The following TRAF2 variants were observed in gnomAD, a reference collection of about 807,000 sequenced individuals.
TRAF2 encodes the protein TNF receptor-associated factor 2.
TRAF2 carries 6 observed loss-of-function variants against 55.6 expected under a neutral mutation model. The observed-to-expected ratio is 0.11, with a 90% CI of 0.06 to 0.21. The LOEUF (loss-of-function observed/expected upper bound fraction) is 0.21. TRAF2 is among the 10% of genes least tolerant of loss of function. TRAF2 has a pLI of 1.00. For synonymous variants in TRAF2, 329 were observed against 276.3 expected (o/e 1.19, Z -1.89); for missense variants, 561 against 684.5 (o/e 0.82, Z 2.01).
At chr9:136,888,465 G>A (rs1419016565) in intron 1 of TRAF2, among the ~76,000 whole-genome samples, 5 of 152,158 alleles carry the variant, frequency 3.3e-5, no homozygotes, top group African/African-American at 1.2e-4. Context: ...GAACTCTTAC[G>A]TGGAGTCCAG....
In TRAF2 at chr9:136,917,646, A is replaced by ATG. The variant is rs1850273865; in HGVS notation, c.678+1033_678+1034dup. 2.0e-5 allele frequency among the ~76,000 whole-genome samples: 3 copies of ATG among 152,206 alleles called. No homozygotes were observed. In the South Asian group the frequency reaches 6.2e-4, roughly 32 times the overall value. On this transcript the variant is annotated intron_variant, in intron 7 of 10. Transcript: ENST00000247668. The stretch of plus-strand genomic sequence containing the variant: ...GCACCTTCCTTGCTTGAAGACAGGG[A>ATG]TGTCTTGACGGCATTTGTGGTAGAG...
chr9:136,907,018 T>G (rs773394263), intron 4 of TRAF2, among the ~76,000 whole-genome samples: 5 of 152,258 alleles, frequency 3.3e-5, no homozygotes, highest in Non-Finnish European at 5.9e-5. Context: ...GGCAGAGCCC[T>G]CAAGACGGTC....
At chr9:136,902,979 A>AT (rs1201944167) in intron 4 of TRAF2, among the ~76,000 whole-genome samples, 1 of 60,146 alleles carries the variant, frequency 1.7e-5, no homozygotes, top group Non-Finnish European at 3.2e-5. Context: ...ATTTATTTTT[A>AT]TTTTTTTGAG....
At chr9:136,912,815 TGACAGAGTGA>T (rs1850148519) in intron 6 of TRAF2, among the ~76,000 whole-genome samples, 1 of 151,370 alleles carries the variant, frequency 6.6e-6, no homozygotes, top group Non-Finnish European at 1.5e-5. Flanking sequence ...CCAGCCTGGG[TGACAGAGTGA>T]GAGCCTGTCT....
intron 4 of TRAF2, among the ~76,000 whole-genome samples, chr9:136,906,431 G>T (rs1246605890): frequency 6.6e-6 from 1 of 152,172 alleles, no homozygotes; most frequent in African/African-American, 2.4e-5. Context: ...AGGCAAGAGA[G>T]CATGTGCAGG....
Position 136,900,600 on chromosome 9 carries a change from T to C in TRAF2, c.366+80T>C, listed in dbSNP as rs753981384. ...CCACGCTCCCCAAGCAGTTATGACC[T>C]TGTCCTGCACGTTCCTCTCACTGGG... On this transcript the variant is annotated intron_variant, in intron 4 of 10. Transcript: ENST00000247668. 7.8e-6 allele frequency: 9 copies of C among 1,153,820 alleles called. No individual in the cohort carries two copies. In the East Asian group the frequency reaches 1.9e-4, roughly 25 times the overall value. 71.5% of individuals were successfully genotyped at this position (1,153,820 alleles called of 1,614,324 possible).
chr9:136,892,388 T>A (rs1486188825), intron 1 of TRAF2, among the ~76,000 whole-genome samples: 1 of 151,920 alleles, frequency 6.6e-6, no homozygotes, highest in Non-Finnish European at 1.5e-5. Context: ...GGCGTGAACC[T>A]GGGCGGTGGA....
At chr9:136,902,169 C>T (rs1333401010) in intron 4 of TRAF2, 3 of 152,022 alleles carry the variant, frequency 2.0e-5, no homozygotes, top group East Asian at 1.9e-4. Context: ...GTGGCTCTGC[C>T]GCACAAACGG....
intron 1 of TRAF2, among the ~76,000 whole-genome samples, chr9:136,895,577 A>C (rs914730684): frequency 7.9e-5 from 12 of 152,204 alleles, no homozygotes; most frequent in African/African-American, 1.2e-4. Flanking sequence ...GGAATGGGCC[A>C]GGCACGGTGG....
intron 3 of TRAF2, 38 bp downstream of exon 3, chr9:136,899,710 A>C: frequency 1.3e-6 from 2 of 1,588,908 alleles, no homozygotes; most frequent in Non-Finnish European, 1.7e-6. Context: ...TGTTGAACAG[A>C]AAATGTCTTA....
chr9:136,904,844 G>A (rs1043660905), intron 4 of TRAF2, among the ~76,000 whole-genome samples: 4 of 152,198 alleles, frequency 2.6e-5, no homozygotes, highest in African/African-American at 9.7e-5. Context: ...TAGTGTGGCC[G>A]AGGGCTGGGT....
rs11145920 is a variant in TRAF2, at chr9:136,890,773, G to A, written c.-29+4232G>A. Among the ~76,000 whole-genome samples, 998 of 152,342 alleles carry A rather than the reference G, an allele frequency of 6.6e-3. 7 individuals are homozygous for A. Among genetic ancestry groups the A allele is most frequent in the African/African-American group, 0.022 (925 of 41,570 alleles). ...AGTGGGACCTCAGGGTCCCCTGACCGGGCTGCCTGCCGTGTCCTGGCTGTC... is the reference window on the plus strand; with the variant it reads ...AGTGGGACCTCAGGGTCCCCTGACCAGGCTGCCTGCCGTGTCCTGGCTGTC... On this transcript the variant is annotated intron_variant, in intron 1 of 10. Coordinates refer to ENST00000247668, the MANE Select transcript of TRAF2 (RefSeq NM_021138.4).
At chr9:136,898,664 G>A (rs774939474) in intron 1 of TRAF2, 49 bp from the exon 2 acceptor site, 1 of 1,599,376 alleles carries the variant, frequency 6.3e-7, no homozygotes, top group Admixed American at 1.7e-5. Context: ...GTTTTGTCTC[G>A]AGGACTGTTC....
chr9:136,899,717 C>T (rs1452867485), intron 3 of TRAF2, 45 bp downstream of exon 3: 3 of 1,573,956 alleles, frequency 1.9e-6, no homozygotes, highest in Non-Finnish European at 2.6e-6. Context: ...CAGAAAATGT[C>T]TTAATTTCCT....
upstream of TRAF2, among the ~76,000 whole-genome samples, chr9:136,883,857 C>G (rs1187115799): frequency 6.9e-6 from 1 of 144,358 alleles, no homozygotes; most frequent in African/African-American, 2.6e-5. Flanking sequence ...GATTCTTGCT[C>G]TGTCGCCAGG....
At chr9:136,901,145 G>C (rs1588426566) in intron 4 of TRAF2, among the ~76,000 whole-genome samples, 1 of 148,014 alleles carries the variant, frequency 6.8e-6, no homozygotes, top group Non-Finnish European at 1.5e-5. Context: ...GGGGATTTCA[G>C]TGTGATTCTC....
Position 136,886,533 on chromosome 9 carries a change from G to T in TRAF2, c.-37G>T. On this transcript the variant is annotated 5_prime_UTR_variant, in exon 1 of 11. Transcript: ENST00000247668. ...GGGCCCTTAGTTCCGGGCGCGCTGC[G>T]ACCGTTGGGTGAGGCGAGCGCGGGG... 1 of 987,576 alleles carries T rather than the reference G, an allele frequency of 1.0e-6. No homozygotes were observed. Among genetic ancestry groups the T allele is most frequent in the Non-Finnish European group, 1.2e-6 (1 of 831,280 alleles). The allele number at this position is 987,576 out of a possible 1,614,324, so 61.2% of individuals were successfully genotyped here.
intron 4 of TRAF2, among the ~76,000 whole-genome samples, chr9:136,903,550 A>T (rs17250281): frequency 0.76 from 114,736 of 150,668 alleles, 43,857 homozygotes; most frequent in East Asian, 0.87. Context: ...TTTTTTTTTT[A>T]AACTGTGTCT....
intron 10 of TRAF2, among the ~76,000 whole-genome samples, chr9:136,925,193 G>A (rs908241285): frequency 1.3e-5 from 2 of 152,196 alleles, no homozygotes; most frequent in Non-Finnish European, 2.9e-5. Flanking sequence ...AGTTGGGTGG[G>A]GGAGGGGGTG....
Sources: gnomAD v4.1 joint callset for allele counts (sites outside exome capture counted in the v4.1 genomes callset) on GRCh38, gnomAD v4.1.1 for gene constraint, MANE v1.5 for transcripts, NCBI Gene and HGNC (gene_info 2026-07-23, HGNC 2026-07-21) for gene names.